The following RSU1 variants were observed in gnomAD, a reference collection of about 807,000 sequenced individuals.
The protein encoded by RSU1 is Ras suppressor protein 1.
RSU1 carries 26 observed loss-of-function variants against 31.1 expected under a neutral mutation model. The ratio of observed to expected loss-of-function variants is 0.84; its 90% CI spans 0.61 to 1.16. RSU1 has a LOEUF of 1.16. RSU1 is among the 50% of genes most tolerant of loss of function. The probability of loss-of-function intolerance (pLI) is 0.00; values close to 1 mark genes in which losing one functional copy is unlikely to be tolerated. For synonymous variants in RSU1, 164 were observed against 136.3 expected, an observed-to-expected ratio of 1.20 and a Z score of -1.41; for missense variants, 320 against 339.1, an observed-to-expected ratio of 0.94 and a Z score of 0.44.
chr10:16,769,925 G>C (rs1273606269), intron 3 of RSU1, among the ~76,000 whole-genome samples: 1 of 152,162 alleles, frequency 6.6e-6, no homozygotes, highest in Non-Finnish European at 1.5e-5. Flanking sequence ...AGCATTTTAT[G>C]GTAAGATCAC....
At chr10:16,760,316 C>T (rs1261990456) in intron 4 of RSU1, among the ~76,000 whole-genome samples, 2 of 152,008 alleles carry the variant, frequency 1.3e-5, no homozygotes, top group Non-Finnish European at 2.9e-5. Flanking sequence ...TCCAGACCAG[C>T]CTGACCAACA....
At chr10:16,774,553 G>C (rs1469595836) in intron 3 of RSU1, among the ~76,000 whole-genome samples, 1 of 151,940 alleles carries the variant, frequency 6.6e-6, no homozygotes, top group Non-Finnish European at 1.5e-5. Context: ...CTGGGTGACA[G>C]AGTGAGATCC....
At chr10:16,600,254 T>TG (rs1258286818) in intron 8 of RSU1, among the ~76,000 whole-genome samples, 1 of 152,050 alleles carries the variant, frequency 6.6e-6, no homozygotes, top group Non-Finnish European at 1.5e-5. Context: ...AATGCCAACG[T>TG]GGGAGTGGGC....
chr10:16,625,870 T>G lies in RSU1; in HGVS notation c.732-32374A>C, dbSNP rs556831382. Among the ~76,000 whole-genome samples, 4 of 152,246 alleles carry G rather than the reference T, an allele frequency of 2.6e-5. No individual in the cohort carries two copies. The East Asian group carries it at 5.8e-4, about 22-fold the overall frequency. On this transcript the variant is annotated intron_variant, in intron 8 of 8. Coordinates refer to ENST00000345264, the MANE Select transcript of RSU1 (RefSeq NM_012425.4). Reference sequence around the variant, plus strand: ...CAGTTCTTCTCATAGGCTGGTTGACTGGGGAAAGGGCTCAGACTCAGGCTT... The same window carrying G: ...CAGTTCTTCTCATAGGCTGGTTGACGGGGGAAAGGGCTCAGACTCAGGCTT...
In RSU1 at chr10:16,752,526, T is replaced by C. The variant is rs1836999535; in HGVS notation, c.598+13A>G. Reference sequence around the variant, plus strand: ...TGAAACCCAGAACTAAGTTCATTCATCAGCAACCTTACCTAGTTCTGGGGG... The same window carrying C: ...TGAAACCCAGAACTAAGTTCATTCACCAGCAACCTTACCTAGTTCTGGGGG... On this transcript the variant is annotated intron_variant, in intron 7 of 8. Coordinates refer to ENST00000345264, the MANE Select transcript of RSU1 (RefSeq NM_012425.4). 6.3e-7 allele frequency: 1 copy of C among 1,586,848 alleles called. No individual in the cohort carries two copies. The highest frequency in any genetic ancestry group is 2.2e-5 in the East Asian group (1 of 44,764).
chr10:16,719,243 G>C (rs985948539), intron 7 of RSU1, among the ~76,000 whole-genome samples: 15 of 152,148 alleles, frequency 9.9e-5, no homozygotes, highest in African/African-American at 3.6e-4. Flanking sequence ...AGGAATTTGA[G>C]GCTTCAGTGA....
chr10:16,784,886 A>G (rs190731479), intron 2 of RSU1, among the ~76,000 whole-genome samples: 49 of 152,350 alleles, frequency 3.2e-4, no homozygotes, highest in Middle Eastern at 3.4e-3. Context: ...ATGGGGACAC[A>G]GCCAAACCAT....
At chr10:16,813,278 T>C (rs1838448612) in intron 2 of RSU1, among the ~76,000 whole-genome samples, 1 of 152,180 alleles carries the variant, frequency 6.6e-6, no homozygotes. Flanking sequence ...TTTAAATAAA[T>C]AGCTATCTAA....
chr10:16,769,487 A>G (rs1219117777), intron 3 of RSU1, among the ~76,000 whole-genome samples: 2 of 152,230 alleles, frequency 1.3e-5, no homozygotes, highest in African/African-American at 4.8e-5. Context: ...AAAATGTTTT[A>G]TTACACAGCC....
In RSU1 at chr10:16,695,157, T is replaced by TGTG; in HGVS notation, c.599-3_599-2insCAC. ...TCTGGCCAGTTAAATCCAAGTTTCC[T>TGTG]GGGGGGGGGGAAAAAAAAAGTGAAG... On this transcript the variant is annotated splice_polypyrimidine_tract_variant and splice_region_variant and intron_variant, in intron 7 of 8. Transcript: ENST00000345264. The TGTG allele has an allele frequency of 2.5e-6, 3 of 1,202,572 alleles. No individual in the cohort carries two copies. The highest frequency in any genetic ancestry group is 2.5e-5 in the Admixed American group (1 of 40,564). 74.5% of individuals were successfully genotyped at this position (1,202,572 alleles called of 1,614,324 possible).
chr10:16,662,992 C>CA (rs1834916751), intron 8 of RSU1, among the ~76,000 whole-genome samples: 1 of 151,312 alleles, frequency 6.6e-6, no homozygotes, highest in African/African-American at 2.4e-5. Flanking sequence ...AAAAAAAACC[C>CA]TCTAAGTTTG....
At chr10:16,702,391 C>A (rs376110944) in intron 7 of RSU1, among the ~76,000 whole-genome samples, 1 of 152,202 alleles carries the variant, frequency 6.6e-6, no homozygotes, top group African/African-American at 2.4e-5. Context: ...AACCCTGCAC[C>A]GGGAAAAGCT....
At chr10:16,716,415 A>G (rs759753022) in intron 7 of RSU1, among the ~76,000 whole-genome samples, 1 of 152,170 alleles carries the variant, frequency 6.6e-6, no homozygotes, top group African/African-American at 2.4e-5. Flanking sequence ...CACAATGTAC[A>G]TGGCTGATCC....
Position 16,670,245 on chromosome 10 carries a change from C to T in RSU1, c.731+24778G>A, listed in dbSNP as rs191700963. ...GGGGCTAGCAAACTTGGCTTGGTGC[C>T]TAAAATGAAAAGAGATAGATTTCGA... On this transcript the variant is annotated intron_variant, in intron 8 of 8. Transcript: ENST00000345264. Among the ~76,000 whole-genome samples the T allele has an allele frequency of 1.7e-3, 263 of 152,236 alleles. 1 individual carries two copies. The highest frequency in any genetic ancestry group is 6.0e-3 in the African/African-American group (248 of 41,534).
chr10:16,643,231 G>C (rs60885950), intron 8 of RSU1, among the ~76,000 whole-genome samples: 1 of 152,088 alleles, frequency 6.6e-6, no homozygotes, highest in South Asian at 2.1e-4. Flanking sequence ...ATTTATAGAA[G>C]AGCATGGAAG....
chr10:16,684,576 G>A (rs187850593), intron 8 of RSU1, among the ~76,000 whole-genome samples: 4 of 152,270 alleles, frequency 2.6e-5, no homozygotes, highest in African/African-American at 4.8e-5. Context: ...AAGCAGCACA[G>A]GGGTAAAAGA....
At chr10:16,627,583 G>A (rs764295792) in intron 8 of RSU1, among the ~76,000 whole-genome samples, 1 of 151,870 alleles carries the variant, frequency 6.6e-6, no homozygotes, top group Admixed American at 6.6e-5. Flanking sequence ...GTGAAACCCT[G>A]TCTCTACTAA....
chr10:16,796,734 C>T (rs545487188), intron 2 of RSU1, among the ~76,000 whole-genome samples: 8 of 143,964 alleles, frequency 5.6e-5, no homozygotes, highest in East Asian at 2.0e-4. Flanking sequence ...GTGCAGGAAA[C>T]GTGGAGGCAG....
At chr10:16,677,826 A>T (rs1308699674) in intron 8 of RSU1, among the ~76,000 whole-genome samples, 1 of 152,162 alleles carries the variant, frequency 6.6e-6, no homozygotes, top group African/African-American at 2.4e-5. Flanking sequence ...TTAGCACCAA[A>T]ATACATTTGT....
Sources: allele counts gnomAD v4.1 joint callset (sites outside exome capture counted in the v4.1 genomes callset), GRCh38; gene constraint gnomAD v4.1.1; transcripts MANE v1.5; gene names NCBI Gene and HGNC (gene_info 2026-07-23, HGNC 2026-07-21).